The following CSGALNACT1 variants were observed in gnomAD, a reference collection of about 807,000 sequenced individuals.
CSGALNACT1 encodes the protein beta4GalNAcT-1.
CSGALNACT1 carries 52 observed loss-of-function variants against 51.0 expected under a neutral mutation model. That is an observed-to-expected ratio of 1.02 (90% CI 0.82 to 1.29). The LOEUF (loss-of-function observed/expected upper bound fraction) is 1.29, where lower values mean the gene tolerates loss of function less well. Ranked by LOEUF, CSGALNACT1 falls within the 50% of genes most tolerant of loss-of-function variation. The pLI, the probability that CSGALNACT1 is intolerant of heterozygous loss-of-function variation, is 0.00. For synonymous variants in CSGALNACT1, 341 were observed against 254.4 expected, an observed-to-expected ratio of 1.34 and a Z score of -3.24; for missense variants, 935 against 679.2, an observed-to-expected ratio of 1.38 and a Z score of -4.19.
intron 1 of CSGALNACT1, among the ~76,000 whole-genome samples, chr8:19,680,684 T>C (rs2060550281): frequency 6.6e-6 from 1 of 151,516 alleles, no homozygotes; most frequent in Non-Finnish European, 1.5e-5. Flanking sequence ...TGATTTAAAG[T>C]AGTCATGTGT....
chr8:19,568,564 A>G (rs1205837123), intron 3 of CSGALNACT1, among the ~76,000 whole-genome samples: 2 of 152,214 alleles, frequency 1.3e-5, no homozygotes, highest in Non-Finnish European at 2.9e-5. Context: ...GTACTATATT[A>G]ACTGTGAAAA....
chr8:19,599,111 G>A (rs902588515), intron 2 of CSGALNACT1, among the ~76,000 whole-genome samples: 3 of 151,896 alleles, frequency 2.0e-5, no homozygotes, highest in Non-Finnish European at 4.4e-5. Flanking sequence ...AGGAACAGGT[G>A]GAGACAAAAG....
At chr8:19,710,562 G>A (rs759876277) in intron 1 of CSGALNACT1, among the ~76,000 whole-genome samples, 1 of 152,038 alleles carries the variant, frequency 6.6e-6, no homozygotes, top group Non-Finnish European at 1.5e-5. Flanking sequence ...AAGCAAACAG[G>A]GCACAATGTT....
chr8:19,598,664 CA>C (rs1454503713), intron 2 of CSGALNACT1, among the ~76,000 whole-genome samples: 2 of 151,842 alleles, frequency 1.3e-5, no homozygotes, highest in Admixed American at 1.3e-4. Context: ...TATGTGTCTA[CA>C]AACAGTTTTT....
chr8:19,511,459 T>G (rs1353138029), intron 3 of CSGALNACT1, among the ~76,000 whole-genome samples: 2 of 152,224 alleles, frequency 1.3e-5, no homozygotes, highest in African/African-American at 4.8e-5. Flanking sequence ...CATACCATCC[T>G]GGAGGTGTGT....
chr8:19,541,646 C>CTGGCCTCAGGTGA (rs2085193710), intron 3 of CSGALNACT1, among the ~76,000 whole-genome samples: 1 of 146,218 alleles, frequency 6.8e-6, no homozygotes, highest in Admixed American at 6.9e-5. Flanking sequence ...GTGATGCACC[C>CTGGCCTCAGGTGA]TGTGTTGGCC....
At chr8:19,607,682 A>G (rs565438623) in intron 1 of CSGALNACT1, among the ~76,000 whole-genome samples, 31 of 152,230 alleles carry the variant, frequency 2.0e-4, no homozygotes, top group Non-Finnish European at 2.5e-4. Flanking sequence ...GCTGCACTTA[A>G]TCCTGTCCAG....
chr8:19,463,225 G>A (rs1204265182), intron 4 of CSGALNACT1, among the ~76,000 whole-genome samples: 1 of 152,072 alleles, frequency 6.6e-6, no homozygotes, highest in Non-Finnish European at 1.5e-5. Flanking sequence ...GTCCACTGCT[G>A]ATGGGCATCT....
chr8:19,612,970 A>AAAAAAAAAAAAAAAAAAAAAAAAAAAT (rs1232290429), intron 1 of CSGALNACT1, among the ~76,000 whole-genome samples: 1 of 146,142 alleles, frequency 6.8e-6, no homozygotes, highest in Non-Finnish European at 1.5e-5. Context: ...AAAAAAAAAA[A>AAAAAAAAAAAAAAAAAAAAAAAAAAAT]AAAAAAAAAA....
Position 19,550,269 on chromosome 8 carries a change from C to T in CSGALNACT1, c.-297+40891G>A, listed in dbSNP as rs114490928. On this transcript the variant is annotated intron_variant, in intron 3 of 9. Transcript: ENST00000454498. ...TCAAACAGCCAGGACAACAGATGTACAGCACTGCACCTGTCTGTGAAACTC... is the reference window on the plus strand; with the variant it reads ...TCAAACAGCCAGGACAACAGATGTATAGCACTGCACCTGTCTGTGAAACTC... 9.0e-3 allele frequency among the ~76,000 whole-genome samples: 1,371 copies of T among 152,274 alleles called. 18 individuals are homozygous for T. The highest frequency in any genetic ancestry group is 0.031 in the African/African-American group (1,279 of 41,546).
At chr8:19,505,694 C>T (rs151256768) in exon 4 of CSGALNACT1, 14 of 1,614,048 alleles carry the variant, frequency 8.7e-6, no homozygotes, top group Non-Finnish European at 1.2e-5. Flanking sequence ...GGCTGTTGGC[C>T]CTGGGCAGTG....
At chr8:19,409,680 G>C (rs780905875) in intron 8 of CSGALNACT1, among the ~76,000 whole-genome samples, 3 of 152,184 alleles carry the variant, frequency 2.0e-5, no homozygotes, top group African/African-American at 4.8e-5. Context: ...GGGAAAGGTA[G>C]AGAGGGCAGC....
At chr8:19,457,767 C>T (rs770108310) in intron 5 of CSGALNACT1, 48 of 1,350,958 alleles carry the variant, frequency 3.6e-5, no homozygotes, top group East Asian at 3.2e-4. Flanking sequence ...GATCCAACAC[C>T]GCACAATCAA....
At chr8:19,448,402 G>T (rs958064437) in intron 5 of CSGALNACT1, among the ~76,000 whole-genome samples, 12 of 152,168 alleles carry the variant, frequency 7.9e-5, no homozygotes, top group Admixed American at 2.0e-4. Flanking sequence ...TTTAGCAATG[G>T]AAATCCTATA....
At chr8:19,479,326 C>A (rs1370832792) in intron 4 of CSGALNACT1, among the ~76,000 whole-genome samples, 4 of 152,274 alleles carry the variant, frequency 2.6e-5, no homozygotes, top group South Asian at 4.2e-4. Flanking sequence ...AGTCTGTGCT[C>A]TGGATAGACT....
At chr8:19,436,863 A>G (rs1307639087) in intron 6 of CSGALNACT1, among the ~76,000 whole-genome samples, 2 of 152,220 alleles carry the variant, frequency 1.3e-5, no homozygotes, top group African/African-American at 4.8e-5. Flanking sequence ...GTGAGGTATG[A>G]TCACACCACT....
chr8:19,505,392 A>G, exon 4 of CSGALNACT1: 1 of 1,614,182 alleles, frequency 6.2e-7, no homozygotes, highest in Non-Finnish European at 8.5e-7. Flanking sequence ...AAAGCTATCG[A>G]AAGGCACTGC....
intron 3 of CSGALNACT1, among the ~76,000 whole-genome samples, chr8:19,538,698 G>T (rs1185368187): frequency 6.6e-6 from 1 of 152,114 alleles, no homozygotes; most frequent in African/African-American, 2.4e-5. Flanking sequence ...TATACTTTGG[G>T]CAAGACAAGC....
chr8:19,673,198 G>C (rs538716762), intron 1 of CSGALNACT1, among the ~76,000 whole-genome samples: 1 of 152,182 alleles, frequency 6.6e-6, no homozygotes, highest in Admixed American at 6.5e-5. Flanking sequence ...AATGGACTCC[G>C]ATGCAAGGAA....
Sources: gnomAD v4.1 joint callset for allele counts (sites outside exome capture counted in the v4.1 genomes callset) on GRCh38, gnomAD v4.1.1 for gene constraint, MANE v1.5 for transcripts, NCBI Gene and HGNC (gene_info 2026-07-23, HGNC 2026-07-21) for gene names.